TMEM132D: variants seen among roughly 807,000 people sequenced by gnomAD.
TMEM132D encodes the protein mature OL transmembrane protein.
In TMEM132D, 21 loss-of-function variants were observed where a neutral mutation model predicts 62.3. The ratio of observed to expected loss-of-function variants is 0.34; its 90% CI spans 0.24 to 0.49. TMEM132D has a LOEUF of 0.49. Ranked by LOEUF, TMEM132D falls within the 20% of genes least tolerant of loss-of-function variation. The pLI is 0.99. For missense variants in TMEM132D, 1,346 were observed against 1,402.8 expected (o/e 0.96, Z 0.65); for synonymous variants, 621 against 575.6 (o/e 1.08, Z -1.13).
At chr12:129,681,160 C>G (rs1168567412) in intron 2 of TMEM132D, among the ~76,000 whole-genome samples, 1 of 152,180 alleles carries the variant, frequency 6.6e-6, no homozygotes, top group Non-Finnish European at 1.5e-5. Context: ...GCTGGTGTAT[C>G]TACTCTCATC....
chr12:129,864,113 T>C (rs934253868), intron 1 of TMEM132D, among the ~76,000 whole-genome samples: 1 of 152,142 alleles, frequency 6.6e-6, no homozygotes, highest in African/African-American at 2.4e-5. Context: ...ACTCCTATCT[T>C]ACTCTCTGGG....
intron 1 of TMEM132D, among the ~76,000 whole-genome samples, chr12:129,881,497 T>C (rs149315774): frequency 3.5e-4 from 53 of 152,162 alleles, no homozygotes; most frequent in African/African-American, 1.2e-3. Context: ...CTACAAAGTA[T>C]AGTCTTTGAC....
intron 2 of TMEM132D, among the ~76,000 whole-genome samples, chr12:129,653,497 T>C (rs1418123088): frequency 4.6e-5 from 7 of 152,040 alleles, no homozygotes; most frequent in African/African-American, 1.2e-4. Flanking sequence ...GAGGAGAAAA[T>C]AGAGAGCAGG....
chr12:129,341,887 C>T (rs1360878244), intron 3 of TMEM132D, among the ~76,000 whole-genome samples: 5 of 152,010 alleles, frequency 3.3e-5, no homozygotes, highest in Non-Finnish European at 7.4e-5. Context: ...AGGACCTCTT[C>T]AAGGAGAACT....
intron 1 of TMEM132D, among the ~76,000 whole-genome samples, chr12:129,885,498 T>C (rs1874723517): frequency 6.6e-6 from 1 of 152,200 alleles, no homozygotes; most frequent in Non-Finnish European, 1.5e-5. Flanking sequence ...CTGATGTCAT[T>C]GGTCTACACC....
intron 2 of TMEM132D, among the ~76,000 whole-genome samples, chr12:129,589,560 C>T (rs576957735): frequency 1.3e-5 from 2 of 152,228 alleles, no homozygotes; most frequent in African/African-American, 2.4e-5. Context: ...GCTCCTACCC[C>T]GTGTAGACCC....
chr12:129,491,241 G>A (rs888005431), intron 3 of TMEM132D, among the ~76,000 whole-genome samples: 1 of 152,162 alleles, frequency 6.6e-6, no homozygotes, highest in East Asian at 1.9e-4. Flanking sequence ...CCCAGGGGAG[G>A]CTCTTCCTGC....
chr12:129,461,186 T>C (rs1368123212), intron 3 of TMEM132D, among the ~76,000 whole-genome samples: 1 of 152,004 alleles, frequency 6.6e-6, no homozygotes, highest in African/African-American at 2.4e-5. Flanking sequence ...AGGGGAAGAA[T>C]AGAAAAATCC....
intron 5 of TMEM132D, among the ~76,000 whole-genome samples, chr12:129,106,366 T>G (rs1875498932): frequency 6.6e-6 from 1 of 151,680 alleles, no homozygotes; most frequent in Non-Finnish European, 1.5e-5. Context: ...TGTATACATA[T>G]GTAACTAACC....
chr12:129,096,043 C>T (rs1256378756), intron 5 of TMEM132D, among the ~76,000 whole-genome samples: 1 of 152,144 alleles, frequency 6.6e-6, no homozygotes, highest in African/African-American at 2.4e-5. Context: ...CTTCATAGAT[C>T]AGAGGTGTTA....
chr12:129,722,217 C>T (rs1235045039), intron 1 of TMEM132D, among the ~76,000 whole-genome samples: 1 of 152,192 alleles, frequency 6.6e-6, no homozygotes, highest in African/African-American at 2.4e-5. Context: ...AAACTGTGGG[C>T]TCCTGAAGCG....
chr12:129,512,466 T>G (rs115093046), intron 3 of TMEM132D, among the ~76,000 whole-genome samples: 29 of 152,310 alleles, frequency 1.9e-4, no homozygotes, highest in Middle Eastern at 3.4e-3. Flanking sequence ...ACGAACAAGA[T>G]GACAGAGAGA....
At chr12:129,330,063 C>T (rs1869054148) in intron 4 of TMEM132D, among the ~76,000 whole-genome samples, 1 of 152,032 alleles carries the variant, frequency 6.6e-6, no homozygotes, top group African/African-American at 2.4e-5. Flanking sequence ...AAAGAACATG[C>T]CTTAATCGAG....
intron 1 of TMEM132D, among the ~76,000 whole-genome samples, chr12:129,743,940 G>T (rs905391948): frequency 6.6e-6 from 1 of 152,136 alleles, no homozygotes; most frequent in Non-Finnish European, 1.5e-5. Flanking sequence ...TCAGTGAGAT[G>T]TCAGAGACAA....
intron 1 of TMEM132D, among the ~76,000 whole-genome samples, chr12:129,720,352 C>T (rs773818651): frequency 3.7e-4 from 56 of 152,300 alleles, no homozygotes; most frequent in Admixed American, 9.2e-4. Flanking sequence ...AAATATTCAA[C>T]ATTTGCACTC....
intron 3 of TMEM132D, among the ~76,000 whole-genome samples, chr12:129,376,559 C>G (rs1870787457): frequency 1.3e-5 from 2 of 152,260 alleles, no homozygotes; most frequent in African/African-American, 4.8e-5. Context: ...GGGACACAGC[C>G]AAACCATATC....
chr12:129,682,587 G>C (rs553722379), intron 2 of TMEM132D, among the ~76,000 whole-genome samples: 1 of 152,268 alleles, frequency 6.6e-6, no homozygotes, highest in Admixed American at 6.5e-5. Flanking sequence ...ACTGTAATTT[G>C]CAGTGACAAA....
At position 129,090,683 on chromosome 12, in the gene TMEM132D, A is replaced by G. The variant is rs574957196; in HGVS notation, c.1444-5981T>C. ...ACCCTGTCTGAAAAAAAAAGAAAAG[A>G]AAAGAAAAGAAAACGGGTTGCAGAA... is the stretch of plus-strand genomic sequence containing the variant. On this transcript the variant is annotated intron_variant, in intron 5 of 8. Coordinates refer to ENST00000422113, the MANE Select transcript of TMEM132D (RefSeq NM_133448.3). Among the ~76,000 whole-genome samples, 57 of 152,130 alleles carry G rather than the reference A, an allele frequency of 3.7e-4. 1 individual carries two copies. The South Asian group carries it at 0.011, about 30-fold the overall frequency.
chr12:129,468,287 G>T (rs1188346041), intron 3 of TMEM132D, among the ~76,000 whole-genome samples: 1 of 152,028 alleles, frequency 6.6e-6, no homozygotes, highest in Non-Finnish European at 1.5e-5. Flanking sequence ...AAAGAAATGA[G>T]CTCCATCTCT....
Sources: allele counts gnomAD v4.1 joint callset (sites outside exome capture counted in the v4.1 genomes callset), GRCh38; gene constraint gnomAD v4.1.1; transcripts MANE v1.5; gene names NCBI Gene and HGNC (gene_info 2026-07-23, HGNC 2026-07-21).